Variants in UBFD1 observed in about 807,000 individuals in gnomAD.
The protein encoded by UBFD1 is ubiquitin family domain containing 1.
Under a neutral mutation model 35.1 loss-of-function variants are expected in UBFD1, and 12 were observed. The observed-to-expected ratio is 0.34, with a 90% CI of 0.22 to 0.55. The LOEUF is 0.55. Among genes scored for constraint, UBFD1 ranks in the 20% least tolerant of loss-of-function variants. The pLI is 0.89. For synonymous variants in UBFD1, 178 were observed against 167.6 expected, an observed-to-expected ratio of 1.06 and a Z score of -0.48; for missense variants, 337 against 410.8, an observed-to-expected ratio of 0.82 and a Z score of 1.55.
intron 5 of UBFD1, chr16:23,564,333 G>A (rs1239369079): frequency 6.6e-6 from 1 of 152,158 alleles, no homozygotes; most frequent in Admixed American, 6.5e-5. Context: ...TGCCAAAAAT[G>A]CTTGAGTTTT....
intron 3 of UBFD1, chr16:23,562,005 G>C: frequency 1.8e-6 from 1 of 549,992 alleles, no homozygotes; most frequent in East Asian, 3.0e-5. Flanking sequence ...GTAGTGGCTA[G>C]CACAGGTACG....
intron 5 of UBFD1, chr16:23,564,514 CAGT>C (rs1965983581): frequency 6.6e-6 from 1 of 152,238 alleles, no homozygotes; most frequent in South Asian, 2.1e-4. Flanking sequence ...TTCCCTTTAT[CAGT>C]AGTAAGCTGC....
At chr16:23,559,198 G>C (rs1047395603) in intron 2 of UBFD1, 2 of 325,490 alleles carry the variant, frequency 6.1e-6, no homozygotes, top group African/African-American at 4.3e-5. Context: ...AGTACTTACT[G>C]AACAATTATT....
rs1234342493 is a variant in UBFD1, at chr16:23,572,061, G to T, written c.*1471G>T. ...CTCATTCTGTGAAACGTATTAGCAT[G>T]TGTTCGCCCAAGATGACTATTCCTT... is the stretch of plus-strand genomic sequence containing the variant. On this transcript the variant is annotated 3_prime_UTR_variant, in exon 7 of 7. Coordinates refer to ENST00000395878, the MANE Select transcript of UBFD1 (RefSeq NM_019116.3). 6.6e-6 allele frequency: 1 copy of T among 152,630 alleles called. No individual in the cohort carries two copies. Among genetic ancestry groups the T allele is most frequent in the Admixed American group, 6.5e-5 (1 of 15,280 alleles). The allele number at this position is 152,630 out of a possible 1,614,324, so 9.5% of individuals were successfully genotyped here.
intron 3 of UBFD1, among the ~76,000 whole-genome samples, chr16:23,560,730 C>T (rs1280156207): frequency 6.6e-6 from 1 of 152,104 alleles, no homozygotes; most frequent in African/African-American, 2.4e-5. Context: ...GCAATATTAT[C>T]TTTATAAAAA....
chr16:23,563,442 C>A (rs918834322), intron 5 of UBFD1, among the ~76,000 whole-genome samples: 1 of 152,128 alleles, frequency 6.6e-6, no homozygotes, highest in African/African-American at 2.4e-5. Flanking sequence ...TCCCTTCCCC[C>A]AGATGGTTAC....
In UBFD1 at chr16:23,557,996, T is replaced by G. The variant is rs753443023; in HGVS notation, c.72T>G (p.Thr24=). 1 of 1,369,336 alleles carries G rather than the reference T, an allele frequency of 7.3e-7. No individual in the cohort carries two copies. Among genetic ancestry groups the G allele is most frequent in the Non-Finnish European group, 9.4e-7 (1 of 1,064,862 alleles). 84.8% of individuals were successfully genotyped at this position (1,369,336 alleles called of 1,614,324 possible). ...ACACGGAGGCCGAGACTGTGGCTAC[T>G]GAGGCTCCCGCGCGGCCCGTCAACT... The part of the protein sequence containing the change: ...GMDTEAETVA[T]EAPARPVNCL... Residue 24 remains threonine, a synonymous_variant, in exon 2 of 7, where the codon ACT becomes ACG. Transcript: ENST00000395878.
At chr16:23,559,283 C>T (rs1009835208) in intron 2 of UBFD1, 185 bp from the exon 3 acceptor site, 2 of 565,962 alleles carry the variant, frequency 3.5e-6, no homozygotes, top group Non-Finnish European at 3.2e-6. Context: ...GAAGGACTTA[C>T]TCTAATAAAT....
chr16:23,558,428 G>A lies in UBFD1; in HGVS notation c.355+149G>A, dbSNP rs1049425535. 5 of 1,045,786 alleles carry A rather than the reference G, an allele frequency of 4.8e-6. No individual in the cohort carries two copies. In the African/African-American group the frequency reaches 5.1e-5, roughly 11 times the overall value. The allele number at this position is 1,045,786 out of a possible 1,614,324, so 64.8% of individuals were successfully genotyped here. A position where few individuals can be genotyped will look rare whatever the true frequency, so the allele number is the denominator to read the frequency against. On this transcript the variant is annotated intron_variant, in intron 2 of 6. Transcript: ENST00000395878. ...AGGATACTTGGATGCCCATTACTCA[G>A]CTGGGGAAAGAGACTCAAGTTTATA...
chr16:23,562,043 G>C (rs1189414298), intron 3 of UBFD1, 163 bp from the exon 4 acceptor site: 1 of 610,134 alleles, frequency 1.6e-6, no homozygotes, highest in Admixed American at 3.3e-5. Flanking sequence ...AGAAAGTTCT[G>C]CTGGACAGCA....
At position 23,559,850 on chromosome 16, in the gene UBFD1, A is replaced by G. The variant is rs926455473; in HGVS notation, c.564+174A>G. ...AGGTGACAACTACCTGAGATTTGCAACTTTGTCTCATCTGGCGGGTCAGTG... is the reference window on the plus strand; with the variant it reads ...AGGTGACAACTACCTGAGATTTGCAGCTTTGTCTCATCTGGCGGGTCAGTG... On this transcript the variant is annotated intron_variant, in intron 3 of 6. Transcript: ENST00000395878. 2.0e-6 allele frequency: 3 copies of G among 1,536,528 alleles called. No homozygotes were observed. The African/African-American group carries it at 4.1e-5, about 21-fold the overall frequency.
chr16:23,561,187 C>G (rs1423462341), intron 3 of UBFD1, among the ~76,000 whole-genome samples: 1 of 152,156 alleles, frequency 6.6e-6, no homozygotes, highest in East Asian at 1.9e-4. Flanking sequence ...TTTTTACCAG[C>G]TTATTAAGGG....
At position 23,560,881 on chromosome 16, in the gene UBFD1, C is replaced by G. The variant is rs544164922; in HGVS notation, c.564+1205C>G. On this transcript the variant is annotated intron_variant, in intron 3 of 6. Coordinates refer to ENST00000395878, the MANE Select transcript of UBFD1 (RefSeq NM_019116.3). ...TGTCTTGAAACCGATTGAGTTTCTT[C>G]TCATATTCCTGTTTTTCTTTGCCAC... Among the ~76,000 whole-genome samples the G allele has an allele frequency of 2.6e-5, 4 of 152,298 alleles. No homozygotes were observed. The South Asian group carries it at 8.3e-4, about 32-fold the overall frequency.
Position 23,560,505 on chromosome 16 carries a change from A to T in UBFD1, c.564+829A>T, listed in dbSNP as rs368256499. On this transcript the variant is annotated intron_variant, in intron 3 of 6. Transcript: ENST00000395878. Reference sequence around the variant, plus strand: ...TCAACATCATTTAGTGACCATAGACACTAAGATATATGACCAACAGTAAGA... The same window carrying T: ...TCAACATCATTTAGTGACCATAGACTCTAAGATATATGACCAACAGTAAGA... 3.9e-5 allele frequency among the ~76,000 whole-genome samples: 6 copies of T among 152,216 alleles called. No homozygotes were observed. In the East Asian group the frequency reaches 5.8e-4, roughly 15 times the overall value.
rs1440231915 is a variant in UBFD1 at position 23,565,937 on chromosome 16, G to A, written c.737-1050G>A. The A allele has an allele frequency of 3.6e-5, 5 of 138,098 alleles. No homozygotes were observed. In the East Asian group the frequency reaches 1.1e-3, roughly 31 times the overall value. The allele number at this position is 138,098 out of a possible 1,614,324, so 8.6% of individuals were successfully genotyped here. ...TGTGCAGGTGCACCTCGCCTCCCCT[G>A]ACCTCACCCAGTCCCGCTTCACTTG... On this transcript the variant is annotated intron_variant, in intron 5 of 6. Coordinates refer to ENST00000395878, the MANE Select transcript of UBFD1 (RefSeq NM_019116.3).
intron 2 of UBFD1, among the ~76,000 whole-genome samples, chr16:23,558,536 T>C (rs772993391): frequency 5.3e-5 from 8 of 152,220 alleles, no homozygotes; most frequent in Non-Finnish European, 8.8e-5. Context: ...CTCTAACATC[T>C]CTAATTAAAA....
rs1965898801 is a variant in UBFD1 at position 23,559,631 on chromosome 16, T to C, written c.519T>C (p.Asp173=). 6.2e-7 allele frequency: 1 copy of C among 1,614,116 alleles called. No individual in the cohort carries two copies. Among genetic ancestry groups the C allele is most frequent in the Admixed American group, 1.7e-5 (1 of 60,006 alleles). ...VNTPKDAAQQ[D]AKAEENKKEP... is the part of the protein sequence containing the mutation. ...CACCCAAAGATGCTGCGCAGCAGGA[T>C]GCAAAGGCCGAAGAGAACAAGAAGG... Residue 173 remains aspartate, a synonymous_variant, in exon 3 of 7, where the codon GAT becomes GAC. Coordinates refer to ENST00000395878, the MANE Select transcript of UBFD1 (RefSeq NM_019116.3).
chr16:23,568,353 T>C (rs1387810964), intron 6 of UBFD1, among the ~76,000 whole-genome samples: 6 of 151,048 alleles, frequency 4.0e-5, no homozygotes, highest in African/African-American at 1.5e-4. Flanking sequence ...AGAGATGGGG[T>C]TTCACCATGT....
At chr16:23,569,783 A>G (rs142814903) in intron 6 of UBFD1, 18 of 152,246 alleles carry the variant, frequency 1.2e-4, no homozygotes, top group African/African-American at 4.3e-4. Flanking sequence ...TTTGATTTAC[A>G]CGTGTATCCA....
Sources: gnomAD v4.1 joint callset for allele counts (sites outside exome capture counted in the v4.1 genomes callset) on GRCh38, gnomAD v4.1.1 for gene constraint, MANE v1.5 for transcripts, NCBI Gene and HGNC (gene_info 2026-07-23, HGNC 2026-07-21) for gene names.